CEP55: variants seen among roughly 807,000 people sequenced by gnomAD.
CEP55 encodes centrosomal protein 55.
A neutral mutation model predicts 63.2 loss-of-function variants in CEP55; 57 were observed. The observed-to-expected ratio is 0.90, with a 90% CI of 0.73 to 1.13. The LOEUF (loss-of-function observed/expected upper bound fraction) is 1.13. CEP55 is among the 50% of genes most tolerant of loss of function. CEP55 has a pLI of 0.00. For synonymous variants in CEP55, 178 were observed against 191.6 expected, an observed-to-expected ratio of 0.93 and a Z score of 0.59; for missense variants, 456 against 518.9, an observed-to-expected ratio of 0.88 and a Z score of 1.18.
chr10:93,520,602 T>A (rs969508182), intron 8 of CEP55, among the ~76,000 whole-genome samples: 2 of 152,286 alleles, frequency 1.3e-5, no homozygotes, highest in South Asian at 4.1e-4. Context: ...GGTTTTTCAC[T>A]TACTTATTCT....
intron 5 of CEP55, among the ~76,000 whole-genome samples, chr10:93,515,960 T>A (rs1452418416): frequency 1.3e-5 from 2 of 152,200 alleles, no homozygotes; most frequent in African/African-American, 4.8e-5. Context: ...CCTTAAATCA[T>A]TTGAACTTCA....
chr10:93,511,633 C>T (rs1355139136), intron 4 of CEP55, among the ~76,000 whole-genome samples: 4 of 151,666 alleles, frequency 2.6e-5, no homozygotes, highest in East Asian at 2.0e-4. Flanking sequence ...GATGGAGTTT[C>T]GCTCCGTTGC....
chr10:93,526,715 A>G (rs12357755), intron 8 of CEP55, among the ~76,000 whole-genome samples: 97,595 of 151,940 alleles, frequency 0.64, 34,172 homozygotes, highest in Non-Finnish European at 0.77. Flanking sequence ...CTGGATTAAG[A>G]AAATGTGGCA....
At chr10:93,518,833 A>C (rs765384345) in intron 6 of CEP55, 44 bp from the exon 7 acceptor site, 1 of 1,418,390 alleles carries the variant, frequency 7.1e-7, no homozygotes, top group Non-Finnish European at 9.8e-7. Context: ...GTCAAGCCGG[A>C]AAAGGTTGGA....
In CEP55 at chr10:93,518,906, G is replaced by C. The variant is rs1373277184; in HGVS notation, c.1023G>C (p.Lys341Asn). 1 of 1,612,550 alleles carries C rather than the reference G, an allele frequency of 6.2e-7. No homozygotes were observed. The highest frequency in any genetic ancestry group is 8.5e-7 in the Non-Finnish European group (1 of 1,178,678). The change falls in exon 7 of 9, where the codon AAG (lysine) becomes AAC (asparagine). Residue 341 changes from lysine to asparagine, a missense_variant. By Grantham distance (94) the Lys-to-Asn change is moderately conservative. Transcript: ENST00000371485. ...QVQFLYTSLL[K>N]QQEEQTRVAL... ...AGTTTCTTTACACATCTCTGCTAAA[G>C]CAGCAAGAAGAACAAACAAGGGTAG...
chr10:93,509,926 C>T (rs1420472239), intron 4 of CEP55, among the ~76,000 whole-genome samples: 3 of 152,174 alleles, frequency 2.0e-5, no homozygotes, highest in Non-Finnish European at 4.4e-5. Context: ...CTTGCAGCAC[C>T]GACACTGGCA....
At chr10:93,516,402 A>T (rs2057803556) in intron 5 of CEP55, among the ~76,000 whole-genome samples, 1 of 152,164 alleles carries the variant, frequency 6.6e-6, no homozygotes, top group Non-Finnish European at 1.5e-5. Flanking sequence ...GCTTATGTAA[A>T]AGCAGGATTT....
rs766713236 is a variant in CEP55 at position 93,528,089 on chromosome 10, A to G, written c.1331A>G (p.Asn444Ser). 8 of 1,613,990 alleles carry G rather than the reference A, an allele frequency of 5.0e-6. No individual in the cohort carries two copies. In the Admixed American group the frequency reaches 1.2e-4, roughly 24 times the overall value. ...AGCCTGGTGGAATGTCCCAAGTGCA[A>G]TATACAGTATCCAGCCACTGAGCAT... The part of the protein sequence containing the change: ...NESLVECPKC[N>S]IQYPATEHRD... The change falls in exon 9 of 9, where the codon AAT (asparagine) becomes AGT (serine). Residue 444 changes from asparagine to serine, a missense_variant. Transcript: ENST00000371485.
At chr10:93,520,161 C>CT (rs1461090797) in intron 8 of CEP55, 1 of 285,800 alleles carries the variant, frequency 3.5e-6, no homozygotes, top group East Asian at 9.7e-5. Flanking sequence ...GGCACGATGG[C>CT]TTATACCTTT....
At chr10:93,514,838 T>C (rs2057786543) in intron 4 of CEP55, among the ~76,000 whole-genome samples, 1 of 152,180 alleles carries the variant, frequency 6.6e-6, no homozygotes. Flanking sequence ...AGGGGCATGA[T>C]CTCAGCTCAC....
chr10:93,502,687 T>C (rs2057646434), intron 2 of CEP55, among the ~76,000 whole-genome samples: 1 of 152,176 alleles, frequency 6.6e-6, no homozygotes, highest in Non-Finnish European at 1.5e-5. Context: ...TTCTGTAACT[T>C]TTAAGTTCCA....
chr10:93,513,466 A>T (rs998950123), intron 4 of CEP55, among the ~76,000 whole-genome samples: 36 of 152,236 alleles, frequency 2.4e-4, no homozygotes, highest in Admixed American at 2.1e-3. Flanking sequence ...CTTACCGGAA[A>T]GCAGTTGCCC....
At chr10:93,510,242 GA>G (rs2057731275) in intron 4 of CEP55, among the ~76,000 whole-genome samples, 1 of 152,156 alleles carries the variant, frequency 6.6e-6, no homozygotes, top group Non-Finnish European at 1.5e-5. Flanking sequence ...ATAGCCAAAA[GA>G]CAGTTTTAAT....
intron 2 of CEP55, among the ~76,000 whole-genome samples, chr10:93,501,719 T>C (rs1349498231): frequency 6.6e-6 from 1 of 152,186 alleles, no homozygotes; most frequent in Non-Finnish European, 1.5e-5. Flanking sequence ...AGTATACCAT[T>C]TGATTTATTT....
At chr10:93,514,443 A>G (rs1466561244) in intron 4 of CEP55, among the ~76,000 whole-genome samples, 5 of 152,234 alleles carry the variant, frequency 3.3e-5, no homozygotes, top group African/African-American at 4.8e-5. Flanking sequence ...GATCCTCTAA[A>G]GAAGACACTG....
chr10:93,525,946 T>C (rs2134504251), intron 8 of CEP55, among the ~76,000 whole-genome samples: 1 of 152,280 alleles, frequency 6.6e-6, no homozygotes, highest in South Asian at 2.1e-4. Flanking sequence ...TCAAGATGGA[T>C]TAAAGATTTA....
intron 7 of CEP55, 99 bp from the exon 8 acceptor site, chr10:93,519,583 A>G: frequency 1.5e-6 from 2 of 1,323,468 alleles, no homozygotes; most frequent in Non-Finnish European, 2.1e-6. Flanking sequence ...GGTACAATAA[A>G]TATTTTCTTC....
At position 93,503,256 on chromosome 10, in the gene CEP55, A is replaced by G. The variant is rs2134458599; in HGVS notation, c.327A>G (p.Arg109=). 1 of 1,614,168 alleles carries G rather than the reference A, an allele frequency of 6.2e-7. No homozygotes were observed. The highest frequency in any genetic ancestry group is 8.5e-7 in the Non-Finnish European group (1 of 1,180,042). Residue 109 remains arginine, a synonymous_variant, in exon 3 of 9, where the codon AGA becomes AGG. Coordinates refer to ENST00000371485, the MANE Select transcript of CEP55 (RefSeq NM_018131.5). ...TLLEQLEETT[R]EGERREQVLK... is the part of the protein sequence containing the mutation. ...TTGAACAGCTGGAAGAGACAACGAG[A>G]GAAGGAGAAAGGAGGGAGCAGGTGT...
intron 4 of CEP55, among the ~76,000 whole-genome samples, chr10:93,508,363 G>T (rs1017537036): frequency 1.3e-5 from 2 of 152,088 alleles, no homozygotes; most frequent in Non-Finnish European, 2.9e-5. Context: ...TAAGATTTCT[G>T]TTTTACTTCA....
Sources: gnomAD v4.1 joint callset for allele counts (sites outside exome capture counted in the v4.1 genomes callset) on GRCh38, gnomAD v4.1.1 for gene constraint, MANE v1.5 for transcripts, NCBI Gene and HGNC (gene_info 2026-07-23, HGNC 2026-07-21) for gene names.